The following FGFR2 variants were observed in gnomAD, a reference collection of about 807,000 sequenced individuals.
FGFR2 encodes the protein BEK fibroblast growth factor receptor.
Under a neutral mutation model 95.9 loss-of-function variants are expected in FGFR2, and 19 were observed. The observed-to-expected ratio is 0.20, with a 90% confidence interval of 0.14 to 0.29. The LOEUF is 0.29. FGFR2 is among the 10% of genes least tolerant of loss of function. The pLI is 1.00. For synonymous variants in FGFR2, 392 were observed against 393.3 expected (o/e 1.00, Z 0.04); for missense variants, 707 against 1,056.9 (o/e 0.67, Z 4.59).
chr10:121,497,009 T>C (rs1846934039), intron 12 of FGFR2, among the ~76,000 whole-genome samples: 2 of 151,158 alleles, frequency 1.3e-5, no homozygotes, highest in Admixed American at 1.3e-4. Flanking sequence ...CACACACCTA[T>C]AGTCCCAGCT....
chr10:121,559,111 GAAAAAAAAAAA>G (rs904279035), intron 4 of FGFR2, among the ~76,000 whole-genome samples: 1 of 55,238 alleles, frequency 1.8e-5, no homozygotes, highest in African/African-American at 5.7e-5. Flanking sequence ...TCCAAAAGGA[GAAAAAAAAAAA>G]AAAAAAAAAA....
At chr10:121,529,229 C>T (rs551677630) in intron 6 of FGFR2, among the ~76,000 whole-genome samples, 49 of 152,320 alleles carry the variant, frequency 3.2e-4, no homozygotes, top group African/African-American at 1.1e-3. Flanking sequence ...CTGCCTCAGC[C>T]TCCCGAGTAG....
intron 17 of FGFR2, among the ~76,000 whole-genome samples, chr10:121,481,200 C>T (rs886495679): frequency 2.0e-5 from 3 of 152,130 alleles, no homozygotes; most frequent in Non-Finnish European, 4.4e-5. Flanking sequence ...AAATTGGGAA[C>T]TTGTGGGTCT....
chr10:121,532,232 G>A (rs1169810050), intron 6 of FGFR2, among the ~76,000 whole-genome samples: 2 of 152,176 alleles, frequency 1.3e-5, no homozygotes, highest in Non-Finnish European at 2.9e-5. Context: ...CTACGGAGCC[G>A]AGACCTTGTG....
chr10:121,566,180 T>A (rs1324940925), intron 2 of FGFR2, among the ~76,000 whole-genome samples: 2 of 152,152 alleles, frequency 1.3e-5, no homozygotes. Flanking sequence ...CCAAGCTTCT[T>A]AAAATGAAAT....
intron 4 of FGFR2, among the ~76,000 whole-genome samples, chr10:121,558,368 G>A (rs1413822163): frequency 6.6e-6 from 1 of 152,214 alleles, no homozygotes; most frequent in African/African-American, 2.4e-5. Flanking sequence ...GCACCGAGGG[G>A]CATATGTAAC....
intron 2 of FGFR2, among the ~76,000 whole-genome samples, chr10:121,575,797 A>G (rs1450865524): frequency 1.3e-5 from 2 of 151,188 alleles, no homozygotes; most frequent in South Asian, 2.1e-4. Context: ...CAGAGGTTGC[A>G]GTGAGCCGAG....
At chr10:121,566,620 T>G (rs1252271510) in intron 2 of FGFR2, among the ~76,000 whole-genome samples, 1 of 152,086 alleles carries the variant, frequency 6.6e-6, no homozygotes, top group East Asian at 1.9e-4. Context: ...GGGAGTCACC[T>G]TGCATCAGTC....
chr10:121,518,369 G>T lies in FGFR2; in HGVS notation c.940-906C>A, dbSNP rs978860214. Reference sequence around the variant, plus strand: ...AGGCATGGAAGCGTGTGTTTTAAATGGTGTTAATGTGCAGTAATGATGGGA... The same window carrying T: ...AGGCATGGAAGCGTGTGTTTTAAATTGTGTTAATGTGCAGTAATGATGGGA... On this transcript the variant is annotated intron_variant, in intron 7 of 17. Transcript: ENST00000358487. The surrounding 1 kb of genome is among the most constrained non-coding windows in gnomAD (Gnocchi z 4.0). 1.3e-5 allele frequency among the ~76,000 whole-genome samples: 2 copies of T among 152,172 alleles called. No individual in the cohort carries two copies. Among genetic ancestry groups the T allele is most frequent in the African/African-American group, 4.8e-5 (2 of 41,442 alleles).
chr10:121,504,346 A>G (rs1273179561), intron 9 of FGFR2, among the ~76,000 whole-genome samples: 1 of 152,318 alleles, frequency 6.6e-6, no homozygotes, highest in East Asian at 1.9e-4. Flanking sequence ...CACCCGGATC[A>G]TGGATCAATG....
chr10:121,536,679 G>A (rs1419962950), intron 6 of FGFR2, among the ~76,000 whole-genome samples: 1 of 152,188 alleles, frequency 6.6e-6, no homozygotes, highest in Non-Finnish European at 1.5e-5. Context: ...GGTGGGGTGA[G>A]GGGCTTTTGA....
At chr10:121,589,990 C>A (rs1287588885) in intron 2 of FGFR2, among the ~76,000 whole-genome samples, 1 of 152,190 alleles carries the variant, frequency 6.6e-6, no homozygotes, top group African/African-American at 2.4e-5. Context: ...ATTTACAATA[C>A]TTCTAACAAA....
intron 13 of FGFR2, among the ~76,000 whole-genome samples, chr10:121,492,636 T>C (rs1846288855): frequency 6.6e-6 from 1 of 152,240 alleles, no homozygotes; most frequent in South Asian, 2.1e-4. Flanking sequence ...ACCCTTTGCC[T>C]GGTTCTTCAT....
intron 17 of FGFR2, chr10:121,482,238 C>T (rs1164288338): frequency 2.0e-6 from 3 of 1,512,024 alleles, no homozygotes; most frequent in East Asian, 2.3e-5. Context: ...GGAACTTATA[C>T]TAGAAACAAC....
chr10:121,538,896 G>A (rs1196627400), intron 5 of FGFR2, among the ~76,000 whole-genome samples, 181 bp from the exon 6 acceptor site: 1 of 152,226 alleles, frequency 6.6e-6, no homozygotes, highest in Non-Finnish European at 1.5e-5. Context: ...TCATCATCAT[G>A]GTGAACACCT....
At chr10:121,560,829 T>C (rs1221036863) in intron 4 of FGFR2, among the ~76,000 whole-genome samples, 1 of 152,076 alleles carries the variant, frequency 6.6e-6, no homozygotes, top group Non-Finnish European at 1.5e-5. Flanking sequence ...TCTAAGCCAG[T>C]GGTTCTCGCA....
chr10:121,493,433 C>T (rs1176341822), intron 13 of FGFR2, among the ~76,000 whole-genome samples: 1 of 152,124 alleles, frequency 6.6e-6, no homozygotes, highest in East Asian at 1.9e-4. Context: ...CCTCTAGGAC[C>T]AGGACTCAAC....
rs1169295513 is a variant in FGFR2, at chr10:121,593,584, C to A, written c.109+125G>T. ...TCTGCCTTGCCGGGAGCCAAGAGAC[C>A]ACGATCTGGTGCTCTTAGAAGCCCC... On this transcript the variant is annotated intron_variant, in intron 2 of 17. Transcript: ENST00000358487. 5.9e-6 allele frequency: 5 copies of A among 852,746 alleles called. No individual in the cohort carries two copies. In the Admixed American group the frequency reaches 6.0e-5, roughly 10 times the overall value. The allele number at this position is 852,746 out of a possible 1,614,324, so 52.8% of individuals were successfully genotyped here.
At chr10:121,579,676 C>T (rs1860512935) in intron 2 of FGFR2, among the ~76,000 whole-genome samples, 1 of 152,140 alleles carries the variant, frequency 6.6e-6, no homozygotes, top group African/African-American at 2.4e-5. Context: ...CACAGAATTC[C>T]CTTGAGATGA....
Sources: allele counts gnomAD v4.1 joint callset (sites outside exome capture counted in the v4.1 genomes callset), GRCh38; gene constraint gnomAD v4.1.1; non-coding constraint Gnocchi (gnomAD v3.1); transcripts MANE v1.5; gene names NCBI Gene and HGNC (gene_info 2026-07-23, HGNC 2026-07-21).